ASIC2: variants seen among roughly 807,000 people sequenced by gnomAD.
ASIC2 encodes the protein acid-sensing ion channel 2.
ASIC2 carries 25 observed loss-of-function variants against 57.3 expected under a neutral mutation model. That is an observed-to-expected ratio of 0.44 (90% CI 0.32 to 0.61). ASIC2 has a LOEUF of 0.61. ASIC2 is among the 20% of genes least tolerant of loss of function. ASIC2 has a pLI of 0.06. For missense variants in ASIC2, 641 were observed against 738.1 expected (o/e 0.87, Z 1.52); for synonymous variants, 319 against 307.5 (o/e 1.04, Z -0.39).
chr17:33,655,890 C>T (rs1047361163), intron 1 of ASIC2, among the ~76,000 whole-genome samples: 3 of 152,132 alleles, frequency 2.0e-5, no homozygotes, highest in South Asian at 2.1e-4. Context: ...TTAAGCTTCT[C>T]AAGTTGGGTT....
chr17:33,497,142 T>C (rs1215845994), intron 1 of ASIC2, among the ~76,000 whole-genome samples: 2 of 152,232 alleles, frequency 1.3e-5, no homozygotes, highest in Non-Finnish European at 2.9e-5. Flanking sequence ...GTAGTGGGCA[T>C]GTGTGATTTG....
chr17:34,013,435 T>C (rs934381237), intron 1 of ASIC2, among the ~76,000 whole-genome samples: 7 of 152,336 alleles, frequency 4.6e-5, no homozygotes, highest in African/African-American at 1.7e-4. Context: ...CAATTTGCCA[T>C]ACATGCAATG....
At chr17:33,591,734 C>T (rs1259081297) in intron 1 of ASIC2, among the ~76,000 whole-genome samples, 2 of 152,166 alleles carry the variant, frequency 1.3e-5, no homozygotes, top group Admixed American at 6.5e-5. Context: ...CAAAGTGGGG[C>T]CACTCTGTGA....
chr17:33,148,664 GAT>G (rs1904661736), intron 1 of ASIC2, among the ~76,000 whole-genome samples: 3 of 152,190 alleles, frequency 2.0e-5, no homozygotes, highest in Admixed American at 1.3e-4. Context: ...AAAATTAAAA[GAT>G]GATGTGAGAA....
chr17:33,344,458 A>T (rs996259806), intron 1 of ASIC2, among the ~76,000 whole-genome samples: 29 of 152,188 alleles, frequency 1.9e-4, no homozygotes, highest in African/African-American at 6.5e-4. Context: ...CGACAGGTGG[A>T]ATCAGCTTCT....
intron 1 of ASIC2, among the ~76,000 whole-genome samples, chr17:33,995,656 GTATA>G (rs570192460): frequency 6.6e-6 from 1 of 151,986 alleles, no homozygotes; most frequent in Non-Finnish European, 1.5e-5. Context: ...ATCTGTGCGT[GTATA>G]TATGTGTGTG....
chr17:33,649,156 A>G (rs2142038164), intron 1 of ASIC2, among the ~76,000 whole-genome samples: 1 of 152,372 alleles, frequency 6.6e-6, no homozygotes, highest in South Asian at 2.1e-4. Flanking sequence ...CTACATATAA[A>G]GTACCAAAGA....
intron 1 of ASIC2, among the ~76,000 whole-genome samples, chr17:33,590,154 G>A (rs1320531675): frequency 6.6e-6 from 1 of 152,126 alleles, no homozygotes; most frequent in African/African-American, 2.4e-5. Context: ...TACCCTGTGG[G>A]ACATGCCCTC....
chr17:33,385,529 T>C (rs549202766), intron 1 of ASIC2, among the ~76,000 whole-genome samples: 14 of 152,350 alleles, frequency 9.2e-5, no homozygotes, highest in African/African-American at 3.1e-4. Flanking sequence ...CAACTTTCAT[T>C]ACTATTGCTC....
chr17:33,067,476 T>G (rs2092048383), intron 3 of ASIC2, among the ~76,000 whole-genome samples: 1 of 152,142 alleles, frequency 6.6e-6, no homozygotes, highest in African/African-American at 2.4e-5. Flanking sequence ...CAGGCAAGGT[T>G]CAGAGATGGG....
At chr17:33,301,632 A>G (rs1171968398) in intron 1 of ASIC2, among the ~76,000 whole-genome samples, 1 of 152,230 alleles carries the variant, frequency 6.6e-6, no homozygotes, top group Non-Finnish European at 1.5e-5. Context: ...TTTAGCTCTC[A>G]GTTTAGTGGG....
intron 3 of ASIC2, among the ~76,000 whole-genome samples, chr17:33,071,274 A>G (rs1782928181): frequency 6.6e-6 from 1 of 152,202 alleles, no homozygotes; most frequent in African/African-American, 2.4e-5. Flanking sequence ...TCATTGCTAC[A>G]TTCTTCATTT....
intron 1 of ASIC2, among the ~76,000 whole-genome samples, chr17:33,155,927 T>G (rs1904990054): frequency 6.6e-6 from 1 of 152,118 alleles, no homozygotes; most frequent in East Asian, 1.9e-4. Flanking sequence ...AGGCCCCAAT[T>G]TAATGTGGTG....
chr17:33,292,870 G>A lies in ASIC2; in HGVS notation c.-755C>T. ...TGCGCCTAAGTCCTGCCAGGCGCCC[G>A]CTCTCGCCTGGGGCTGAGAGCTTCT... On this transcript the variant is annotated 5_prime_UTR_variant, in exon 1 of 10. Transcript: ENST00000225823. 1.0e-6 allele frequency: 1 copy of A among 985,530 alleles called. No homozygotes were observed. The highest frequency in any genetic ancestry group is 4.7e-5 in the South Asian group (1 of 21,294). 61.0% of individuals were successfully genotyped at this position (985,530 alleles called of 1,614,324 possible).
Position 33,799,443 on chromosome 17 carries a change from T to TTTCTTTCTTTC in ASIC2, c.555+356524_555+356534dup, listed in dbSNP as rs1567719127. Reference sequence around the variant, plus strand: ...TCTTTCTTTCTTCTTTCTTTCTTTCTTTCTTTCTTTCTTTCTTTCTTTCTT... The same window carrying TTTCTTTCTTTC: ...TCTTTCTTTCTTCTTTCTTTCTTTCTTTCTTTCTTTCTTCTTTCTTTCTTTCTTTCTTTCTT... On this transcript the variant is annotated intron_variant, in intron 1 of 9. Coordinates refer to the ASIC2 transcript ENST00000359872. Among the ~76,000 whole-genome samples the TTTCTTTCTTTC allele has an allele frequency of 1.8e-3, 143 of 78,508 alleles. 1 individual carries two copies. The highest frequency in any genetic ancestry group is 5.5e-3 in the Middle Eastern group (1 of 182). The allele number at this position is 78,508 out of a possible 152,430, so 51.5% of individuals were successfully genotyped here. A position where few individuals can be genotyped will look rare whatever the true frequency, so the allele number is the denominator to read the frequency against.
chr17:33,334,432 C>A (rs533762513), intron 1 of ASIC2, among the ~76,000 whole-genome samples: 1 of 152,278 alleles, frequency 6.6e-6, no homozygotes, highest in East Asian at 1.9e-4. Flanking sequence ...CTCTCTGCAG[C>A]GGCTTCAGGT....
chr17:33,448,045 T>C (rs1175930636), intron 1 of ASIC2, among the ~76,000 whole-genome samples: 2 of 130,820 alleles, frequency 1.5e-5, no homozygotes, highest in East Asian at 2.1e-4. Flanking sequence ...TACATCTTTA[T>C]GCATAATAAA....
rs149513807 is a variant in ASIC2 at position 33,225,876 on chromosome 17, C to G, written c.708+65532G>C. 1.7e-3 allele frequency among the ~76,000 whole-genome samples: 256 copies of G among 152,334 alleles called. 2 individuals carry two copies. The highest frequency in any genetic ancestry group is 5.4e-3 in the African/African-American group (225 of 41,580). On this transcript the variant is annotated intron_variant, in intron 1 of 9. Coordinates refer to ENST00000225823, the MANE Select transcript of ASIC2 (RefSeq NM_183377.2). Reference sequence around the variant, plus strand: ...AAGAGACATTTCCTTAGCCCAGTCACTAATATGGTTACCCAAAACCTTCCT... The same window carrying G: ...AAGAGACATTTCCTTAGCCCAGTCAGTAATATGGTTACCCAAAACCTTCCT...
intron 3 of ASIC2, among the ~76,000 whole-genome samples, chr17:33,032,466 T>TTTTTTTTTTTTTTTTTTTTTTTTTTTTA (rs2091888188): frequency 8.2e-6 from 1 of 121,272 alleles, no homozygotes; most frequent in African/African-American, 3.0e-5. Flanking sequence ...TTTTTTTTTT[T>TTTTTTTTTTTTTTTTTTTTTTTTTTTTA]GAGACAAAGT....
Sources: allele counts gnomAD v4.1 joint callset (sites outside exome capture counted in the v4.1 genomes callset), GRCh38; gene constraint gnomAD v4.1.1; transcripts MANE v1.5; gene names NCBI Gene and HGNC (gene_info 2026-07-23, HGNC 2026-07-21).